MED13: variants seen among roughly 807,000 people sequenced by gnomAD.
MED13 encodes mediator of RNA polymerase II transcription subunit 13.
In MED13, 23 loss-of-function variants were observed where a neutral mutation model predicts 225.2. The observed-to-expected ratio is 0.10, with a 90% CI of 0.07 to 0.14. The LOEUF (loss-of-function observed/expected upper bound fraction) is 0.14, where lower values mean the gene tolerates loss of function less well. Ranked by LOEUF, MED13 falls within the 10% of genes least tolerant of loss-of-function variation. MED13 has a pLI of 1.00. For synonymous variants in MED13, 942 were observed against 889.2 expected (o/e 1.06, Z -1.06); for missense variants, 2,197 against 2,594.5 (o/e 0.85, Z 3.33).
rs559194426 is a variant in MED13 at position 61,946,308 on chromosome 17, T to A, written c.*160A>T. On this transcript the variant is annotated 3_prime_UTR_variant, in exon 30 of 30. Transcript: ENST00000397786. ...ATAGAGTCAATGAAAAATAGCAGGG[T>A]TATAGCCCCTCCCCCCAAGTCAAAA... 1.3e-6 allele frequency: 1 copy of A among 779,742 alleles called. No homozygotes were observed. The highest frequency in any genetic ancestry group is 2.7e-5 in the East Asian group (1 of 36,514). The allele number at this position is 779,742 out of a possible 1,614,324, so 48.3% of individuals were successfully genotyped here. A position where few individuals can be genotyped will look rare whatever the true frequency, so the allele number is the denominator to read the frequency against.
chr17:61,962,104 G>T (rs1178158189), intron 21 of MED13, among the ~76,000 whole-genome samples: 1 of 152,080 alleles, frequency 6.6e-6, no homozygotes, highest in African/African-American at 2.4e-5. Context: ...TGGCCAACAT[G>T]GTGAAACCCT....
chr17:61,973,752 C>T lies in MED13; in HGVS notation c.3806-864G>A, dbSNP rs373760716. On this transcript the variant is annotated intron_variant, in intron 16 of 29. Transcript: ENST00000397786. Reference sequence around the variant, plus strand: ...ATTCCAGCACTTTGGGAGGCCAAGGCGGGTGGACTGTTTGAGGTCAGGAGT... The same window carrying T: ...ATTCCAGCACTTTGGGAGGCCAAGGTGGGTGGACTGTTTGAGGTCAGGAGT... Among the ~76,000 whole-genome samples, 27 of 152,218 alleles carry T rather than the reference C, an allele frequency of 1.8e-4. 1 individual carries two copies. The South Asian group carries it at 5.6e-3, about 32-fold the overall frequency.
At position 61,998,596 on chromosome 17, in the gene MED13, CTTTTTT is replaced by C. The variant is rs58261678; in HGVS notation, c.1968-3237_1968-3232del. The stretch of plus-strand genomic sequence containing the variant: ...AATAATGTCAAAATCTTCCCACCGC[CTTTTTT>C]TTTTTTTTTTTTTTTTTGAGACAAG... On this transcript the variant is annotated intron_variant, in intron 9 of 29. Transcript: ENST00000397786. Among the ~76,000 whole-genome samples, 505 of 115,536 alleles carry C rather than the reference CTTTTTT, an allele frequency of 4.4e-3. 4 individuals carry two copies. The highest frequency in any genetic ancestry group is 0.017 in the African/African-American group (470 of 28,468). The allele number at this position is 115,536 out of a possible 152,430, so 75.8% of individuals were successfully genotyped here. A position where few individuals can be genotyped will look rare whatever the true frequency, so the allele number is the denominator to read the frequency against.
chr17:62,043,692 C>A (rs2080875043), intron 3 of MED13, among the ~76,000 whole-genome samples: 1 of 152,142 alleles, frequency 6.6e-6, no homozygotes, highest in African/African-American at 2.4e-5. Context: ...TGTGGCCAAT[C>A]CAAACTGAGA....
intron 26 of MED13, among the ~76,000 whole-genome samples, chr17:61,953,412 T>TG (rs1256192592): frequency 6.6e-6 from 1 of 152,122 alleles, no homozygotes; most frequent in Non-Finnish European, 1.5e-5. Context: ...GATCTTGAGA[T>TG]GGGGAGATTA....
rs548877221 is a variant in MED13, at chr17:62,049,170, G to C, written c.470+3367C>G. On this transcript the variant is annotated intron_variant, in intron 3 of 29. Transcript: ENST00000397786. ...TCCCCAAGATGACTACTGTGAAACA[G>C]GACTACAGAACTACTAATCCAAATC... is the stretch of plus-strand genomic sequence containing the variant. Among the ~76,000 whole-genome samples the C allele has an allele frequency of 4.0e-5, 6 of 150,778 alleles. No individual in the cohort carries two copies. In the South Asian group the frequency reaches 1.3e-3, roughly 32 times the overall value.
At chr17:62,030,699 T>C (rs1479959930) in intron 6 of MED13, 1 of 152,240 alleles carries the variant, frequency 6.6e-6, no homozygotes, top group African/African-American at 2.4e-5. Context: ...TGTGTTTTTA[T>C]ACGTTTCTCC....
chr17:62,059,350 A>G (rs1194068353), intron 2 of MED13, among the ~76,000 whole-genome samples: 1 of 152,206 alleles, frequency 6.6e-6, no homozygotes, highest in East Asian at 1.9e-4. Context: ...ATCTTTGAAA[A>G]AAGAAATGCT....
chr17:61,987,501 T>C (rs530598054), intron 11 of MED13, among the ~76,000 whole-genome samples: 14 of 152,204 alleles, frequency 9.2e-5, no homozygotes, highest in African/African-American at 3.4e-4. Context: ...TCTTTTTAAA[T>C]TAGACATATA....
At position 61,968,106 on chromosome 17, in the gene MED13, G is replaced by C; in HGVS notation, c.4120C>G (p.Leu1374Val). 6.2e-7 allele frequency: 1 copy of C among 1,614,048 alleles called. No individual in the cohort carries two copies. Among genetic ancestry groups the C allele is most frequent in the Non-Finnish European group, 8.5e-7 (1 of 1,179,970 alleles). Residue 1374 changes from leucine to valine, a missense_variant, in exon 18 of 30, where the codon CTG (leucine) becomes GTG (valine). This residue lies in a region of MED13 where 47 missense variants were observed against 93.8 expected (regional missense o/e 0.50). Coordinates refer to ENST00000397786, the MANE Select transcript of MED13 (RefSeq NM_005121.3). The part of the protein sequence containing the change: ...GSQRDIAYVV[L>V]CPENEALLNG... ...AACAAGGCTTCATTTTCTGGACACA[G>C]TACAACATAGGCTATATCTCTTTGA...
chr17:61,969,805 T>C (rs1325304862), intron 17 of MED13, among the ~76,000 whole-genome samples: 1 of 152,124 alleles, frequency 6.6e-6, no homozygotes, highest in Non-Finnish European at 1.5e-5. Flanking sequence ...TTTCACCATG[T>C]TGGCCAGGCT....
chr17:62,016,237 T>G (rs949244680), intron 8 of MED13, among the ~76,000 whole-genome samples: 1 of 150,644 alleles, frequency 6.6e-6, no homozygotes, highest in East Asian at 2.0e-4. Flanking sequence ...TCTTTTTTTT[T>G]CCTCATGCTG....
In MED13 at chr17:61,984,736, A is replaced by G. The variant is rs776653769; in HGVS notation, c.2606T>C (p.Leu869Pro). Residue 869 changes from leucine to proline, a missense_variant, in exon 14 of 30, where the codon CTA (leucine) becomes CCA (proline). Around this residue, in one of 12 missense-constraint regions of MED13, gnomAD observed 160 missense variants for 184.8 expected, o/e 0.87. Coordinates refer to ENST00000397786, the MANE Select transcript of MED13 (RefSeq NM_005121.3). Reference protein sequence around the residue: ...SMDTTPGGTVLEGNSSSIGAQ... With the variant: ...SMDTTPGGTVPEGNSSSIGAQ... The stretch of plus-strand genomic sequence containing the variant: ...TCCTATACTAGAACTATTTCCTTCT[A>G]GAACAGTTCCTCCAGGTGTTGTATC... 5 of 1,613,836 alleles carry G rather than the reference A, an allele frequency of 3.1e-6. No homozygotes were observed. In the South Asian group the frequency reaches 4.4e-5, roughly 14 times the overall value.
At chr17:61,994,696 T>G (rs1177707124) in intron 10 of MED13, among the ~76,000 whole-genome samples, 1 of 152,162 alleles carries the variant, frequency 6.6e-6, no homozygotes, top group Non-Finnish European at 1.5e-5. Flanking sequence ...ATTTACCCAT[T>G]CAAAAAAATA....
Position 61,950,901 on chromosome 17 carries a change from G to A in MED13, c.6215C>T (p.Ala2072Val). Reference protein sequence around the residue: ...PLALGYFVSTAKAGPLPDWFW... With the variant: ...PLALGYFVSTVKAGPLPDWFW... ...CCAGTCAGGTAATGGACCTGCTTTG[G>A]CAGTTGATACAAAGTAACCAAGGGC... The change falls in exon 28 of 30, where the codon GCC (alanine) becomes GTC (valine). Residue 2072 changes from alanine (A) to valine (V), a missense_variant. By Grantham distance (64) the Ala-to-Val change is moderately conservative. Around this residue, in one of 12 missense-constraint regions of MED13, gnomAD observed 216 missense variants for 388.9 expected, o/e 0.56. Transcript: ENST00000397786. 6.2e-7 allele frequency: 1 copy of A among 1,613,968 alleles called. No individual in the cohort carries two copies. Among genetic ancestry groups the A allele is most frequent in the South Asian group, 1.1e-5 (1 of 91,078 alleles).
intron 3 of MED13, among the ~76,000 whole-genome samples, chr17:62,045,263 G>A (rs570589912): frequency 3.3e-5 from 5 of 152,200 alleles, no homozygotes; most frequent in South Asian, 4.1e-4. Context: ...CCTCCTAGAA[G>A]CATTTAAAAC....
In MED13 at chr17:62,029,587, A is replaced by T; in HGVS notation, c.1237T>A (p.Trp413Arg). The T allele has an allele frequency of 6.2e-7, 1 of 1,614,208 alleles. No individual in the cohort carries two copies. Residue 413 changes from tryptophan to arginine, a missense_variant, in exon 8 of 30, where the codon TGG becomes AGG. Physicochemically the swap from Trp to Arg is moderately radical, Grantham distance 101. Coordinates refer to ENST00000397786, the MANE Select transcript of MED13 (RefSeq NM_005121.3). The stretch of plus-strand genomic sequence containing the variant: ...CTTTGTGTGGCTTCAACAAAATCCC[A>T]GGATGCCACTTTAGCAGCTGTCGCT... ...EEATAAKVAS[W>R]DFVEATQRTN...
intron 11 of MED13, among the ~76,000 whole-genome samples, chr17:61,991,014 TCTC>T (rs1163282753): frequency 1.3e-5 from 2 of 152,236 alleles, no homozygotes; most frequent in African/African-American, 2.4e-5. Flanking sequence ...AATGACCTTA[TCTC>T]CTCATTTTAC....
chr17:62,021,778 GTACT>G (rs543924210), intron 8 of MED13, among the ~76,000 whole-genome samples: 11 of 152,156 alleles, frequency 7.2e-5, no homozygotes, highest in Admixed American at 6.5e-4. Flanking sequence ...GATGTCACAC[GTACT>G]TAAATAGCCC....
Sources: allele counts gnomAD v4.1 joint callset (sites outside exome capture counted in the v4.1 genomes callset), GRCh38; gene constraint gnomAD v4.1.1; regional missense constraint gnomAD v4.1.1; transcripts MANE v1.5; gene names NCBI Gene and HGNC (gene_info 2026-07-23, HGNC 2026-07-21).